Variants in NRK observed in about 807,000 individuals in gnomAD.
The protein encoded by NRK is nik-related protein kinase.
Under a neutral mutation model 125.2 loss-of-function variants are expected in NRK, and 67 were observed. That is an observed-to-expected ratio of 0.54 (90% CI 0.44 to 0.66). The LOEUF (loss-of-function observed/expected upper bound fraction) is 0.66, where lower values mean the gene tolerates loss of function less well. NRK is among the 30% of genes least tolerant of loss of function. NRK has a pLI of 0.00. For missense variants in NRK, 1,224 were observed against 1,192.9 expected (o/e 1.03, Z -0.38); for synonymous variants, 458 against 429.0 (o/e 1.07, Z -0.84).
chrX:105,952,996 T>G, intron 27 of NRK, 38 bp from the exon 28 acceptor site: 1 of 1,055,172 alleles, frequency 9.5e-7, no homozygotes, highest in Non-Finnish European at 1.3e-6. Flanking sequence ...GCCAGAAAGA[T>G]TTTGTGTTTT....
At chrX:105,862,299 T>G (rs761584724) in intron 2 of NRK, among the ~76,000 whole-genome samples, 132 of 111,428 alleles carry the variant, frequency 1.2e-3, no homozygotes, top group Non-Finnish European at 6.6e-4. Flanking sequence ...ACTTTAACTG[T>G]GAACTAGATT....
intron 27 of NRK, among the ~76,000 whole-genome samples, chrX:105,952,297 T>A (rs750691220): frequency 8.9e-6 from 1 of 112,055 alleles, no homozygotes; most frequent in African/African-American, 3.2e-5. Flanking sequence ...GAATATTAAA[T>A]TGAAAGTTAA....
At chrX:105,954,143 T>G (rs966608764) in intron 28 of NRK, among the ~76,000 whole-genome samples, 2 of 111,731 alleles carry the variant, frequency 1.8e-5, no homozygotes, top group Non-Finnish European at 3.8e-5. Context: ...ACTAGTCATA[T>G]CTGTAAGCAT....
chrX:105,850,007 C>A (rs1201655092), intron 2 of NRK, among the ~76,000 whole-genome samples: 3 of 112,177 alleles, frequency 2.7e-5, no homozygotes, highest in Non-Finnish European at 3.8e-5. Flanking sequence ...GGGGCTCCAA[C>A]CCCACATTTC....
chrX:105,867,069 T>C (rs2039681703), intron 2 of NRK, among the ~76,000 whole-genome samples: 1 of 111,408 alleles, frequency 9.0e-6, no homozygotes, highest in Admixed American at 9.6e-5. Flanking sequence ...AAATTATTCT[T>C]GCTCAATCAA....
chrX:105,856,119 A>G (rs1407844605), intron 2 of NRK, among the ~76,000 whole-genome samples: 1 of 111,993 alleles, frequency 8.9e-6, no homozygotes, highest in Non-Finnish European at 1.9e-5. Context: ...TTATTTAGTT[A>G]CATTAACAGT....
At chrX:105,870,882 G>T (rs1009275213) in intron 2 of NRK, among the ~76,000 whole-genome samples, 1 of 111,527 alleles carries the variant, frequency 9.0e-6, no homozygotes, top group African/African-American at 3.3e-5. Context: ...TATTCTGTTG[G>T]ATTATTCTGG....
Position 105,909,452 on chromosome X carries a change from T to C in NRK, c.1811T>C (p.Leu604Ser). Residue 604 changes from leucine to serine, a missense_variant, in exon 13 of 29, where the codon TTG becomes TCG. Leu to Ser is a moderately radical substitution (Grantham distance 145). Coordinates refer to ENST00000243300, the MANE Select transcript of NRK (RefSeq NM_198465.4). ...CACCATGTGCTGTTGCCACTACATT[T>C]GGATACTCAGGTGCTCATTCCAGTA... The part of the protein sequence containing the change: ...QDHHVLLPLH[L>S]DTQVLIPVEG... 1 of 1,209,402 alleles carries C rather than the reference T, an allele frequency of 8.3e-7. No homozygotes were observed. Among genetic ancestry groups the C allele is most frequent in the Non-Finnish European group, 1.1e-6 (1 of 893,999 alleles).
Position 105,953,030 on chromosome X carries a change from G to T in NRK, c.4514-4G>T. 1 of 1,127,620 alleles carries T rather than the reference G, an allele frequency of 8.9e-7. No individual in the cohort carries two copies. The highest frequency in any genetic ancestry group is 1.2e-6 in the Non-Finnish European group (1 of 846,269). 92.9% of individuals were successfully genotyped at this position (1,127,620 alleles called of 1,213,427 possible). ...TTTCTGATTTTTTTTCATTTGTATT[G>T]TAGCTTTTGAATGTACACAGCGAAC... is the stretch of plus-strand genomic sequence containing the variant. On this transcript the variant is annotated splice_polypyrimidine_tract_variant and splice_region_variant and intron_variant, in intron 27 of 28. Coordinates refer to ENST00000243300, the MANE Select transcript of NRK (RefSeq NM_198465.4).
chrX:105,916,953 A>G (rs1372931232), intron 15 of NRK, among the ~76,000 whole-genome samples: 3 of 111,501 alleles, frequency 2.7e-5, no homozygotes, highest in Admixed American at 9.6e-5. Flanking sequence ...CCATGGAAAA[A>G]AGTTTGTCTA....
At chrX:105,907,589 A>T (rs2040236569) in intron 11 of NRK, 1 of 112,172 alleles carries the variant, frequency 8.9e-6, no homozygotes, top group South Asian at 3.7e-4. Flanking sequence ...CCACACATCT[A>T]TATGGTAATT....
upstream of NRK, among the ~76,000 whole-genome samples, chrX:105,822,351 C>T (rs113847409): frequency 1.8e-5 from 2 of 111,749 alleles, no homozygotes; most frequent in African/African-American, 6.5e-5. Context: ...CCGCGAAGGG[C>T]CTGCTCGCAA....
At chrX:105,833,473 A>G (rs1015451507) in intron 2 of NRK, among the ~76,000 whole-genome samples, 4 of 111,031 alleles carry the variant, frequency 3.6e-5, no homozygotes, top group African/African-American at 1.3e-4. Flanking sequence ...GTGTGTATAT[A>G]CTTGTTCTGA....
chrX:105,880,185 A>G lies in NRK; in HGVS notation c.124-14A>G, dbSNP rs568155229. 33 of 985,653 alleles carry G rather than the reference A, an allele frequency of 3.3e-5. No individual in the cohort carries two copies. In the African/African-American group the frequency reaches 4.3e-4, roughly 13 times the overall value. 81.2% of individuals were successfully genotyped at this position (985,653 alleles called of 1,213,427 possible). On this transcript the variant is annotated splice_polypyrimidine_tract_variant and intron_variant, in intron 2 of 28. Coordinates refer to ENST00000243300, the MANE Select transcript of NRK (RefSeq NM_198465.4). Reference sequence around the variant, plus strand: ...TAGCCAGCATTTGATATTTATCACTATCCTGTATTTCAGGGACTTCATGAG... The same window carrying G: ...TAGCCAGCATTTGATATTTATCACTGTCCTGTATTTCAGGGACTTCATGAG...
At chrX:105,824,678 G>C (rs999370845) in intron 1 of NRK, among the ~76,000 whole-genome samples, 1 of 110,548 alleles carries the variant, frequency 9.0e-6, no homozygotes, top group Admixed American at 9.7e-5. Context: ...CATGGCCCTG[G>C]GACATAAGAA....
At chrX:105,840,834 T>C (rs765493521) in intron 2 of NRK, among the ~76,000 whole-genome samples, 2 of 106,017 alleles carry the variant, frequency 1.9e-5, no homozygotes, top group Non-Finnish European at 3.8e-5. Flanking sequence ...TATATATGTA[T>C]GTATGTGTCT....
At chrX:105,833,940 T>C (rs898296937) in intron 2 of NRK, among the ~76,000 whole-genome samples, 1 of 111,989 alleles carries the variant, frequency 8.9e-6, no homozygotes, top group Admixed American at 9.5e-5. Context: ...AAAACTACTG[T>C]ACTTTCCCTA....
intron 9 of NRK, among the ~76,000 whole-genome samples, chrX:105,903,828 T>C (rs1337357183): frequency 8.9e-6 from 1 of 111,755 alleles, no homozygotes; most frequent in Non-Finnish European, 1.9e-5. Flanking sequence ...CTGCTTAATA[T>C]TGTACCAACT....
chrX:105,863,715 CAGG>C lies in NRK; in HGVS notation c.124-16481_124-16479del, dbSNP rs767111169. The stretch of plus-strand genomic sequence containing the variant: ...CAGATTGACTTAAGTGGAGTTTCTT[CAGG>C]AGATTTTGCACTTTTTATACATTTT... On this transcript the variant is annotated intron_variant, in intron 2 of 28. Transcript: ENST00000243300. Among the ~76,000 whole-genome samples, 8 of 112,084 alleles carry C rather than the reference CAGG, an allele frequency of 7.1e-5. No homozygotes were observed. In the East Asian group the frequency reaches 2.2e-3, roughly 31 times the overall value.
Sources: allele counts gnomAD v4.1 joint callset (sites outside exome capture counted in the v4.1 genomes callset), GRCh38; gene constraint gnomAD v4.1.1; transcripts MANE v1.5; gene names NCBI Gene and HGNC (gene_info 2026-07-23, HGNC 2026-07-21).